Variants in LRRC69 observed in about 807,000 individuals in gnomAD.
LRRC69 encodes the protein leucine rich repeat containing 69.
LRRC69 carries 42 observed loss-of-function variants against 37.8 expected under a neutral mutation model. The observed-to-expected ratio is 1.11, with a 90% CI of 0.87 to 1.44. The LOEUF (loss-of-function observed/expected upper bound fraction) is 1.44, where lower values mean the gene tolerates loss of function less well. Among genes scored for constraint, LRRC69 ranks in the 40% most tolerant of loss-of-function variants. The pLI, the probability that LRRC69 is intolerant of heterozygous loss-of-function variation, is 0.00. For synonymous variants in LRRC69, 141 were observed against 143.1 expected, an observed-to-expected ratio of 0.99 and a Z score of 0.11; for missense variants, 357 against 401.9, an observed-to-expected ratio of 0.89 and a Z score of 0.96.
chr8:91,152,073 C>T (rs2130548417), intron 5 of LRRC69, among the ~76,000 whole-genome samples: 1 of 151,794 alleles, frequency 6.6e-6, no homozygotes, highest in Admixed American at 6.6e-5. Flanking sequence ...AAAATTTTCT[C>T]CTATTCTGTA....
chr8:91,172,987 A>T (rs1284944963), intron 5 of LRRC69, among the ~76,000 whole-genome samples: 1 of 151,990 alleles, frequency 6.6e-6, no homozygotes, highest in Non-Finnish European at 1.5e-5. Context: ...CTGACAGGAG[A>T]TTGCTTTGGT....
At chr8:91,126,290 T>G (rs1332783697) in intron 2 of LRRC69, among the ~76,000 whole-genome samples, 1 of 152,018 alleles carries the variant, frequency 6.6e-6, no homozygotes, top group Non-Finnish European at 1.5e-5. Context: ...ACAGTTTAAT[T>G]GGTTTGAGAT....
intron 6 of LRRC69, among the ~76,000 whole-genome samples, chr8:91,195,790 C>T (rs1809587187): frequency 6.6e-6 from 1 of 151,346 alleles, no homozygotes; most frequent in Non-Finnish European, 1.5e-5. Flanking sequence ...GGTCTTGACT[C>T]TTTATCCAAT....
At chr8:91,211,799 G>T (rs1402321344) in intron 7 of LRRC69, among the ~76,000 whole-genome samples, 1 of 151,694 alleles carries the variant, frequency 6.6e-6, no homozygotes, top group Non-Finnish European at 1.5e-5. Context: ...TTTACACAAT[G>T]TTCTGCTTCT....
At chr8:91,218,999 A>G (rs746731291) in exon 8 of LRRC69, 27 of 1,523,720 alleles carry the variant, frequency 1.8e-5, no homozygotes, top group Non-Finnish European at 2.0e-5. Flanking sequence ...GCTCAGGTGT[A>G]GAACAGGTGA....
intron 5 of LRRC69, among the ~76,000 whole-genome samples, chr8:91,180,313 G>A (rs1340655212): frequency 6.6e-6 from 1 of 152,148 alleles, no homozygotes; most frequent in Non-Finnish European, 1.5e-5. Context: ...TTACTCACAT[G>A]GCTTTTGGCA....
chr8:91,200,867 A>G (rs1203081546), intron 7 of LRRC69, 75 bp downstream of exon 7: 1 of 1,327,102 alleles, frequency 7.5e-7, no homozygotes, highest in African/African-American at 1.5e-5. Context: ...ATCAGTTAAT[A>G]CTAACTAGAT....
rs370532289 is a variant in LRRC69, at chr8:91,127,069, T to C, written c.311-19T>C. Reference sequence around the variant, plus strand: ...TTATCTAACAGATGGCTAAAGTGACTAAAATTATTTTCTAACAGATGGCTT... The same window carrying C: ...TTATCTAACAGATGGCTAAAGTGACCAAAATTATTTTCTAACAGATGGCTT... On this transcript the variant is annotated intron_variant, in intron 2 of 7. Coordinates refer to ENST00000448384, the Ensembl canonical transcript of LRRC69. 9.8e-5 allele frequency: 151 copies of C among 1,533,130 alleles called. 1 individual carries two copies. In the African/African-American group the frequency reaches 1.9e-3, roughly 19 times the overall value. 95.0% of individuals were successfully genotyped at this position (1,533,130 alleles called of 1,614,324 possible).
At position 91,158,593 on chromosome 8, in the gene LRRC69, C is replaced by A; in HGVS notation, c.651+22854C>A. On this transcript the variant is annotated intron_variant, in intron 5 of 7. Coordinates refer to ENST00000448384, the Ensembl canonical transcript of LRRC69. ...TACAAGCACAGGGGTGTTTATAGTTCTGATGTCTTTGACATTTTCCCTGGA... is the reference window on the plus strand; with the variant it reads ...TACAAGCACAGGGGTGTTTATAGTTATGATGTCTTTGACATTTTCCCTGGA... 8 of 1,390,808 alleles carry A rather than the reference C, an allele frequency of 5.8e-6. 1 individual carries two copies. The allele number at this position is 1,390,808 out of a possible 1,614,324, so 86.2% of individuals were successfully genotyped here.
intron 7 of LRRC69, among the ~76,000 whole-genome samples, chr8:91,212,491 G>A (rs138760783): frequency 3.3e-5 from 5 of 152,140 alleles, no homozygotes; most frequent in East Asian, 1.9e-4. Flanking sequence ...GAGTGAAAAC[G>A]TTCATTTACT....
chr8:91,141,012 T>G (rs978896671), intron 5 of LRRC69, among the ~76,000 whole-genome samples: 3 of 152,090 alleles, frequency 2.0e-5, no homozygotes, highest in Admixed American at 2.0e-4. Flanking sequence ...GTGTGTTCAC[T>G]TTTTCTGACA....
At chr8:91,162,838 T>A (rs1431758417) in intron 5 of LRRC69, among the ~76,000 whole-genome samples, 1 of 151,410 alleles carries the variant, frequency 6.6e-6, no homozygotes, top group Non-Finnish European at 1.5e-5. Flanking sequence ...CTGTGTTTAG[T>A]TCTAGATATG....
At chr8:91,112,757 G>A (rs928327489) in intron 1 of LRRC69, among the ~76,000 whole-genome samples, 6 of 151,748 alleles carry the variant, frequency 4.0e-5, no homozygotes, top group Admixed American at 1.3e-4. Context: ...AAAAAGAAAG[G>A]CAACCAAATC....
chr8:91,147,672 C>A (rs1018603972), intron 5 of LRRC69, among the ~76,000 whole-genome samples: 14 of 151,650 alleles, frequency 9.2e-5, no homozygotes, highest in African/African-American at 3.4e-4. Flanking sequence ...AAAAATCTTA[C>A]GAAGTTTTAT....
intron 5 of LRRC69, among the ~76,000 whole-genome samples, chr8:91,180,998 C>T (rs1028519074): frequency 6.6e-6 from 1 of 152,138 alleles, no homozygotes; most frequent in Non-Finnish European, 1.5e-5. Context: ...CAGTCAAAAG[C>T]TGTTGCCCAG....
intron 5 of LRRC69, among the ~76,000 whole-genome samples, chr8:91,165,191 G>A (rs1172803973): frequency 6.6e-6 from 1 of 151,848 alleles, no homozygotes; most frequent in Admixed American, 6.6e-5. Flanking sequence ...CCATATCTTA[G>A]AGTCTTTGCT....
intron 5 of LRRC69, among the ~76,000 whole-genome samples, chr8:91,174,030 CAT>C (rs776839254): frequency 0.013 from 259 of 19,826 alleles, no homozygotes; most frequent in Non-Finnish European, 0.021. Context: ...CAATGAACTA[CAT>C]GTTAGTGTAG....
At chr8:91,202,906 C>T (rs770768944) in intron 7 of LRRC69, among the ~76,000 whole-genome samples, 17 of 152,068 alleles carry the variant, frequency 1.1e-4, no homozygotes, top group African/African-American at 1.7e-4. Context: ...AGATGATGAT[C>T]GCAGTGGCAA....
At chr8:91,137,014 C>T (rs556344546) in intron 5 of LRRC69, among the ~76,000 whole-genome samples, 1 of 152,118 alleles carries the variant, frequency 6.6e-6, no homozygotes. Context: ...CTGCAATGAG[C>T]ATGGGTATAC....
Sources: gnomAD v4.1 joint callset for allele counts (sites outside exome capture counted in the v4.1 genomes callset) on GRCh38, gnomAD v4.1.1 for gene constraint, MANE v1.5 for transcripts, NCBI Gene and HGNC (gene_info 2026-07-23, HGNC 2026-07-21) for gene names.